The following LTBP1 variants were observed in gnomAD, a reference collection of about 807,000 sequenced individuals.
The protein encoded by LTBP1 is latent-transforming growth factor beta-binding protein 1.
LTBP1 carries 129 observed loss-of-function variants against 207.6 expected under a neutral mutation model. The ratio of observed to expected loss-of-function variants is 0.62; its 90% CI spans 0.54 to 0.72. LTBP1 has a LOEUF of 0.72. Ranked by LOEUF, LTBP1 falls within the 30% of genes least tolerant of loss-of-function variation. LTBP1 has a pLI of 0.00. For synonymous variants in LTBP1, 963 were observed against 833.7 expected, an observed-to-expected ratio of 1.16 and a Z score of -2.67; for missense variants, 2,281 against 2,217.2, an observed-to-expected ratio of 1.03 and a Z score of -0.58.
At chr2:33,245,786 GT>G (rs1242034032) in intron 10 of LTBP1, among the ~76,000 whole-genome samples, 3 of 152,180 alleles carry the variant, frequency 2.0e-5, no homozygotes, top group Non-Finnish European at 2.9e-5. Flanking sequence ...TGGATATAGA[GT>G]TTGTTGTGAA....
intron 3 of LTBP1, among the ~76,000 whole-genome samples, chr2:33,104,995 T>C (rs1250664736): frequency 6.6e-6 from 1 of 152,204 alleles, no homozygotes; most frequent in East Asian, 1.9e-4. Context: ...CCTTTGCTGA[T>C]TTGATCCTCA....
intron 5 of LTBP1, among the ~76,000 whole-genome samples, chr2:33,173,455 G>A (rs905415947): frequency 1.7e-4 from 26 of 152,132 alleles, no homozygotes; most frequent in African/African-American, 6.0e-4. Flanking sequence ...ACTAAACCAG[G>A]AAGAAGTTGA....
chr2:33,292,523 C>T (rs2093794598), intron 19 of LTBP1, among the ~76,000 whole-genome samples: 1 of 152,170 alleles, frequency 6.6e-6, no homozygotes, highest in African/African-American at 2.4e-5. Context: ...GTATGTAAAG[C>T]TTTTAATGCC....
At chr2:32,997,839 C>T (rs2148935160) in intron 2 of LTBP1, among the ~76,000 whole-genome samples, 1 of 152,334 alleles carries the variant, frequency 6.6e-6, no homozygotes, top group Admixed American at 6.5e-5. Flanking sequence ...GCAGGAGCCC[C>T]ACCCAGAGAC....
chr2:33,096,505 G>A (rs191074269), intron 3 of LTBP1, among the ~76,000 whole-genome samples: 2 of 152,254 alleles, frequency 1.3e-5, no homozygotes, highest in African/African-American at 4.8e-5. Context: ...ATGCTATTGG[G>A]ATCTCAAGAA....
At chr2:33,041,403 G>C (rs937870937) in intron 3 of LTBP1, among the ~76,000 whole-genome samples, 4 of 152,132 alleles carry the variant, frequency 2.6e-5, no homozygotes, top group Non-Finnish European at 5.9e-5. Flanking sequence ...TTCTGCCTCA[G>C]CCTCCCAAGT....
rs184379295 is a variant in LTBP1, at chr2:33,310,050, C to T, written c.3604+494C>T. Reference sequence around the variant, plus strand: ...GCAACCTCCACCTCCCAGGTTCAAGCGATTCTCCTGCCTCAGCTTCCTGAG... The same window carrying T: ...GCAACCTCCACCTCCCAGGTTCAAGTGATTCTCCTGCCTCAGCTTCCTGAG... On this transcript the variant is annotated intron_variant, in intron 23 of 33. Coordinates refer to ENST00000404816, the MANE Select transcript of LTBP1 (RefSeq NM_206943.4). Among the ~76,000 whole-genome samples the T allele has an allele frequency of 4.3e-3, 649 of 151,324 alleles. 1 individual carries two copies. Among genetic ancestry groups the T allele is most frequent in the Non-Finnish European group, 6.2e-3 (422 of 67,920 alleles).
chr2:33,195,464 G>T (rs1226806806), intron 7 of LTBP1, among the ~76,000 whole-genome samples: 1 of 152,168 alleles, frequency 6.6e-6, no homozygotes, highest in Non-Finnish European at 1.5e-5. Flanking sequence ...CAAAATTTCA[G>T]TGGAGGAAGT....
At chr2:33,363,344 A>G (rs1248492822) in intron 28 of LTBP1, 46 bp from the exon 29 acceptor site, 3 of 1,604,856 alleles carry the variant, frequency 1.9e-6, no homozygotes, top group Non-Finnish European at 2.6e-6. Flanking sequence ...TAATTGAAAG[A>G]TCAAACCTAA....
At chr2:33,060,549 G>T (rs1259641616) in intron 3 of LTBP1, among the ~76,000 whole-genome samples, 2 of 150,690 alleles carry the variant, frequency 1.3e-5, no homozygotes, top group Non-Finnish European at 1.5e-5. Flanking sequence ...TGTGTGTTTG[G>T]GGGGGATGTG....
At chr2:33,315,009 T>C in intron 23 of LTBP1, 135 bp from the exon 24 acceptor site, 1 of 692,462 alleles carries the variant, frequency 1.4e-6, no homozygotes, top group East Asian at 2.9e-5. Context: ...GGTTGATTTA[T>C]GGACAAATGG....
At chr2:33,230,028 T>G (rs1377644698) in intron 9 of LTBP1, among the ~76,000 whole-genome samples, 5 of 152,230 alleles carry the variant, frequency 3.3e-5, no homozygotes, top group Non-Finnish European at 5.9e-5. Flanking sequence ...ATATTGATGG[T>G]CAGTAAAATG....
At chr2:33,230,856 T>A (rs2091745219) in intron 9 of LTBP1, among the ~76,000 whole-genome samples, 1 of 152,238 alleles carries the variant, frequency 6.6e-6, no homozygotes, top group African/African-American at 2.4e-5. Flanking sequence ...TTTACAAGGA[T>A]AAAATCAACT....
At chr2:33,311,675 A>C (rs1044003942) in intron 23 of LTBP1, among the ~76,000 whole-genome samples, 1 of 152,170 alleles carries the variant, frequency 6.6e-6, no homozygotes, top group African/African-American at 2.4e-5. Flanking sequence ...TCTTAATAAA[A>C]ATGGACCAAG....
chr2:32,997,356 A>G (rs1685445813), intron 2 of LTBP1, among the ~76,000 whole-genome samples: 1 of 152,138 alleles, frequency 6.6e-6, no homozygotes, highest in African/African-American at 2.4e-5. Context: ...CAAAAAATAA[A>G]AAAATTTGCA....
chr2:33,197,720 T>C (rs554977523), intron 7 of LTBP1, among the ~76,000 whole-genome samples: 1 of 152,262 alleles, frequency 6.6e-6, no homozygotes, highest in South Asian at 2.1e-4. Context: ...TTATGCCAGA[T>C]GGTATGAAAA....
At position 33,217,569 on chromosome 2, in the gene LTBP1, T is replaced by C. The variant is rs2090806162; in HGVS notation, c.1719T>C (p.Pro573=). The change falls in exon 8 of 34, where the codon CCT becomes CCC. Residue 573 remains proline (P), a synonymous_variant. Coordinates refer to ENST00000404816, the MANE Select transcript of LTBP1 (RefSeq NM_206943.4). ...TIGSQCGKAL[P]GLSKQEDCCG... Reference sequence around the variant, plus strand: ...CATTGCAGTGTGGCAAAGCGCTCCCTGGCCTTTCAAAGCAAGAGGACTGCT... The same window carrying C: ...CATTGCAGTGTGGCAAAGCGCTCCCCGGCCTTTCAAAGCAAGAGGACTGCT... 2 of 1,613,822 alleles carry C rather than the reference T, an allele frequency of 1.2e-6. No individual in the cohort carries two copies. Among genetic ancestry groups the C allele is most frequent in the Non-Finnish European group, 1.7e-6 (2 of 1,179,744 alleles).
At position 33,111,855 on chromosome 2, in the gene LTBP1, G is replaced by GA. The variant is rs1490997896; in HGVS notation, c.1033+1107dup. 4.0e-4 allele frequency among the ~76,000 whole-genome samples: 61 copies of GA among 152,218 alleles called. No individual in the cohort carries two copies. The South Asian group carries it at 4.8e-3, about 12-fold the overall frequency. ...CCTGGGGATCTTAGGGAAGAATACAGAAACCATTTAGATCATTAGGAAAAA... is the reference window on the plus strand; with the variant it reads ...CCTGGGGATCTTAGGGAAGAATACAGAAAACCATTTAGATCATTAGGAAAAA... On this transcript the variant is annotated intron_variant, in intron 4 of 33. Coordinates refer to ENST00000404816, the MANE Select transcript of LTBP1 (RefSeq NM_206943.4).
chr2:33,396,122 A>G (rs1267392819), intron 32 of LTBP1, among the ~76,000 whole-genome samples: 2 of 152,140 alleles, frequency 1.3e-5, no homozygotes, highest in Non-Finnish European at 2.9e-5. Flanking sequence ...CTAAACTATA[A>G]AAAGAGCCAA....
Sources: allele counts gnomAD v4.1 joint callset (sites outside exome capture counted in the v4.1 genomes callset), GRCh38; gene constraint gnomAD v4.1.1; transcripts MANE v1.5; gene names NCBI Gene and HGNC (gene_info 2026-07-23, HGNC 2026-07-21).